Variants in KCNH8 observed in about 807,000 individuals in gnomAD.
The protein encoded by KCNH8 is voltage-gated delayed rectifier potassium channel KCNH8.
KCNH8 carries 70 observed loss-of-function variants against 103.6 expected under a neutral mutation model. The observed-to-expected ratio is 0.68, with a 90% CI of 0.56 to 0.82. The LOEUF is 0.82. KCNH8 is among the 40% of genes least tolerant of loss of function. The pLI is 0.00. For synonymous variants in KCNH8, 498 were observed against 489.4 expected (o/e 1.02, Z -0.23); for missense variants, 1,217 against 1,329.9 (o/e 0.92, Z 1.32).
At chr3:19,282,346 G>A (rs1229649225) in intron 3 of KCNH8, among the ~76,000 whole-genome samples, 1 of 152,036 alleles carries the variant, frequency 6.6e-6, no homozygotes, top group African/African-American at 2.4e-5. Context: ...AATTAAAGTT[G>A]CTTGAATTTT....
chr3:19,353,234 A>G (rs2065829913), intron 5 of KCNH8, among the ~76,000 whole-genome samples: 1 of 152,178 alleles, frequency 6.6e-6, no homozygotes, highest in African/African-American at 2.4e-5. Flanking sequence ...AAATTAAGGC[A>G]ATAATTAATA....
intron 1 of KCNH8, among the ~76,000 whole-genome samples, chr3:19,234,723 G>A (rs1278897042): frequency 6.6e-6 from 1 of 152,266 alleles, no homozygotes; most frequent in African/African-American, 2.4e-5. Flanking sequence ...GGCTCCTCAA[G>A]TGCCGCCAAA....
intron 7 of KCNH8, among the ~76,000 whole-genome samples, chr3:19,431,242 C>T (rs1298578975): frequency 2.0e-5 from 3 of 152,102 alleles, no homozygotes; most frequent in Non-Finnish European, 4.4e-5. Context: ...TTGAGATAAT[C>T]GTCTGGTTTT....
chr3:19,372,586 G>A (rs1239457446), intron 5 of KCNH8, among the ~76,000 whole-genome samples: 1 of 152,058 alleles, frequency 6.6e-6, no homozygotes, highest in East Asian at 1.9e-4. Flanking sequence ...CTCTTTTCCT[G>A]ATTGAATACC....
At chr3:19,434,277 T>C (rs531129656) in intron 7 of KCNH8, among the ~76,000 whole-genome samples, 3 of 152,356 alleles carry the variant, frequency 2.0e-5, no homozygotes, top group Admixed American at 6.5e-5. Context: ...CTATGAAGTA[T>C]AGATATTTTA....
intron 7 of KCNH8, among the ~76,000 whole-genome samples, chr3:19,433,291 T>C (rs974412584): frequency 5.3e-5 from 8 of 152,210 alleles, no homozygotes; most frequent in African/African-American, 1.9e-4. Flanking sequence ...GCACAAGTGA[T>C]ACATACATGA....
At chr3:19,403,399 T>TATATATATAA (rs1491066162) in intron 7 of KCNH8, among the ~76,000 whole-genome samples, 2 of 139,764 alleles carry the variant, frequency 1.4e-5, no homozygotes, top group East Asian at 2.2e-4. Context: ...TATATATATA[T>TATATATATAA]AAAATCCTTC....
intron 5 of KCNH8, 91 bp downstream of exon 5, chr3:19,348,056 C>A: frequency 6.8e-7 from 1 of 1,464,148 alleles, no homozygotes; most frequent in Non-Finnish European, 9.3e-7. Flanking sequence ...AACTAAGATC[C>A]ATTTGCATGG....
intron 7 of KCNH8, among the ~76,000 whole-genome samples, chr3:19,407,997 A>G (rs1034757004): frequency 2.0e-5 from 3 of 151,888 alleles, no homozygotes; most frequent in Non-Finnish European, 4.4e-5. Flanking sequence ...GTCCAGCCCT[A>G]CCCTTCATGG....
intron 11 of KCNH8, among the ~76,000 whole-genome samples, chr3:19,476,341 C>T (rs546436291): frequency 7.4e-4 from 113 of 152,278 alleles, no homozygotes; most frequent in Non-Finnish European, 1.3e-3. Context: ...TTAGGCATTT[C>T]GCATTAACGC....
At chr3:19,173,170 A>AT (rs2063364290) in intron 1 of KCNH8, among the ~76,000 whole-genome samples, 1 of 147,596 alleles carries the variant, frequency 6.8e-6, no homozygotes, top group African/African-American at 2.7e-5. Flanking sequence ...CTGGCATCTC[A>AT]TTTAAAAAAA....
At chr3:19,268,326 A>G (rs111961908) in intron 2 of KCNH8, among the ~76,000 whole-genome samples, 5 of 152,054 alleles carry the variant, frequency 3.3e-5, no homozygotes, top group African/African-American at 1.2e-4. Flanking sequence ...CTTTTGAAGG[A>G]TGAGTAGAAA....
intron 11 of KCNH8, among the ~76,000 whole-genome samples, chr3:19,505,776 C>T (rs1325492824): frequency 6.6e-6 from 1 of 152,172 alleles, no homozygotes; most frequent in African/African-American, 2.4e-5. Flanking sequence ...CTTGCTTTCT[C>T]CCTAGCTCTT....
Position 19,201,382 on chromosome 3 carries a change from A to AAATTTAAC in KCNH8, c.77-52269_77-52262dup, listed in dbSNP as rs551624456. ...TCATCTAGATGTTTTCTAACATTCA[A>AAATTTAAC]AATTTAACAAATGTTTTTAAAAGGT... On this transcript the variant is annotated intron_variant, in intron 1 of 15. Coordinates refer to ENST00000328405, the MANE Select transcript of KCNH8 (RefSeq NM_144633.3). 1.8e-4 allele frequency among the ~76,000 whole-genome samples: 27 copies of AAATTTAAC among 152,004 alleles called. No homozygotes were observed. In the East Asian group the frequency reaches 3.9e-3, roughly 22 times the overall value.
At chr3:19,422,372 A>G (rs1234438029) in intron 7 of KCNH8, among the ~76,000 whole-genome samples, 1 of 152,156 alleles carries the variant, frequency 6.6e-6, no homozygotes, top group Non-Finnish European at 1.5e-5. Flanking sequence ...TGACAAAGTA[A>G]TAGAAGACTG....
intron 1 of KCNH8, among the ~76,000 whole-genome samples, chr3:19,157,040 T>G (rs975713599): frequency 6.6e-6 from 1 of 151,962 alleles, no homozygotes; most frequent in African/African-American, 2.4e-5. Context: ...TTTATTGTAT[T>G]TGTCAGTCCA....
At position 19,534,767 on chromosome 3, in the gene KCNH8, A is replaced by C. The variant is rs1339955052; in HGVS notation, c.*668A>C. The stretch of plus-strand genomic sequence containing the variant: ...ATGAATGTTTTCTTTTCATTTTGGT[A>C]AAAAAAAAGCTTGCTGTTTTAACAA... On this transcript the variant is annotated 3_prime_UTR_variant, in exon 16 of 16. Coordinates refer to ENST00000328405, the MANE Select transcript of KCNH8 (RefSeq NM_144633.3). 6.6e-6 allele frequency: 1 copy of C among 150,444 alleles called. No homozygotes were observed. The highest frequency in any genetic ancestry group is 1.5e-5 in the Non-Finnish European group (1 of 67,746). 9.3% of individuals were successfully genotyped at this position (150,444 alleles called of 1,614,324 possible). A position where few individuals can be genotyped will look rare whatever the true frequency, so the allele number is the denominator to read the frequency against.
chr3:19,342,586 G>T lies in KCNH8; in HGVS notation c.443-1G>T. Reference sequence around the variant, plus strand: ...GTCTAATGAGTTTTATTTTCCCCCAGACAAAGTCAAAGGAAGATCAAGAGC... The same window carrying T: ...GTCTAATGAGTTTTATTTTCCCCCATACAAAGTCAAAGGAAGATCAAGAGC... On this transcript the variant is annotated splice_acceptor_variant, in intron 3 of 15. Coordinates refer to ENST00000328405, the MANE Select transcript of KCNH8 (RefSeq NM_144633.3). LOFTEE classifies it high-confidence loss of function. 1 of 1,608,784 alleles carries T rather than the reference G, an allele frequency of 6.2e-7. No individual in the cohort carries two copies. Among genetic ancestry groups the T allele is most frequent in the South Asian group, 1.1e-5 (1 of 90,842 alleles).
intron 1 of KCNH8, among the ~76,000 whole-genome samples, chr3:19,226,082 T>A (rs1402653585): frequency 6.6e-6 from 1 of 152,248 alleles, no homozygotes; most frequent in African/African-American, 2.4e-5. Context: ...CAGTCTTAGA[T>A]GTATGTTCCA....
Sources: allele counts gnomAD v4.1 joint callset (sites outside exome capture counted in the v4.1 genomes callset), GRCh38; gene constraint gnomAD v4.1.1; transcripts MANE v1.5; gene names NCBI Gene and HGNC (gene_info 2026-07-23, HGNC 2026-07-21).